The following ELP2 variants were observed in gnomAD, a reference collection of about 807,000 sequenced individuals.
ELP2 encodes the protein elongator complex protein 2.
Under a neutral mutation model 119.2 loss-of-function variants are expected in ELP2, and 90 were observed. The ratio of observed to expected loss-of-function variants is 0.75; its 90% CI spans 0.64 to 0.90. The LOEUF (loss-of-function observed/expected upper bound fraction) is 0.90. Among genes scored for constraint, ELP2 ranks in the 40% least tolerant of loss-of-function variants. The pLI, the probability that ELP2 is intolerant of heterozygous loss-of-function variation, is 0.00. For synonymous variants in ELP2, 339 were observed against 331.0 expected (o/e 1.02, Z -0.26); for missense variants, 921 against 967.8 (o/e 0.95, Z 0.64).
intron 11 of ELP2, among the ~76,000 whole-genome samples, chr18:36,150,746 A>G (rs2090369780): frequency 6.6e-6 from 1 of 152,180 alleles, no homozygotes; most frequent in Non-Finnish European, 1.5e-5. Flanking sequence ...TCAGATTTAC[A>G]TGCTTTCTGT....
intron 5 of ELP2, chr18:36,139,405 CTT>C: frequency 3.3e-6 from 5 of 1,534,846 alleles, no homozygotes; most frequent in Non-Finnish European, 3.5e-6. Context: ...GAGTCAGCCT[CTT>C]TGCCTCCACA....
intron 12 of ELP2, 83 bp from the exon 13 acceptor site, chr18:36,156,383 T>C: frequency 7.8e-7 from 1 of 1,277,696 alleles, no homozygotes; most frequent in Non-Finnish European, 1.1e-6. Flanking sequence ...TTCCATTGTA[T>C]AGTAAATAAT....
At chr18:36,164,077 A>G (rs1375919692) in intron 17 of ELP2, among the ~76,000 whole-genome samples, 1 of 152,160 alleles carries the variant, frequency 6.6e-6, no homozygotes, top group Non-Finnish European at 1.5e-5. Context: ...AATTTCTCTC[A>G]GGATTGATCT....
At position 36,164,566 on chromosome 18, in the gene ELP2, C is replaced by T. The variant is rs148576942; in HGVS notation, c.1853C>T (p.Thr618Met). Reference protein sequence around the residue: ...QNLVFHSLTVTQMAFSPNEKF... With the variant: ...QNLVFHSLTVMQMAFSPNEKF... ...TTAGTTTTCCACAGTTTGACAGTCA[C>T]GCAGATGGCCTTCTCACCTAATGAG... The change falls in exon 18 of 22, where the codon ACG becomes ATG. Residue 618 changes from threonine to methionine, a missense_variant. Transcript: ENST00000358232. 150 of 1,614,088 alleles carry T rather than the reference C, an allele frequency of 9.3e-5. No individual in the cohort carries two copies. Among genetic ancestry groups the T allele is most frequent in the South Asian group, 4.1e-4 (37 of 91,084 alleles).
intron 6 of ELP2, 54 bp downstream of exon 6, chr18:36,141,255 A>G: frequency 7.6e-7 from 1 of 1,317,088 alleles, no homozygotes; most frequent in Non-Finnish European, 1.1e-6. Context: ...GTTATATCTC[A>G]ATACAGACTA....
rs138201763 is a variant in ELP2, at chr18:36,180,093, C to G, written c.*5452C>G. On this transcript the variant is annotated 3_prime_UTR_variant, in exon 22 of 22. Coordinates refer to ENST00000358232, the MANE Select transcript of ELP2 (RefSeq NM_018255.4). ...ATGGGGAGGGAGATGTCTACAGGGT[C>G]AAGGACCCAGGCTCTTATTTCGCTG... 6.6e-6 allele frequency: 1 copy of G among 152,266 alleles called. No homozygotes were observed. The highest frequency in any genetic ancestry group is 2.1e-4 in the South Asian group (1 of 4,830). 9.4% of individuals were successfully genotyped at this position (152,266 alleles called of 1,614,324 possible).
intron 14 of ELP2, 143 bp from the exon 15 acceptor site, chr18:36,159,592 T>C (rs924669869): frequency 1.4e-6 from 1 of 706,476 alleles, no homozygotes; most frequent in African/African-American, 1.7e-5. Flanking sequence ...GGAAATACTC[T>C]TGCCTTTGGA....
intron 9 of ELP2, 86 bp from the exon 10 acceptor site, chr18:36,145,862 T>C (rs2090180703): frequency 9.3e-7 from 1 of 1,079,356 alleles, no homozygotes; most frequent in Non-Finnish European, 1.4e-6. Context: ...ATCCTTGCAG[T>C]ACCCATGTTG....
Position 36,138,325 on chromosome 18 carries a change from C to G in ELP2, c.344C>G (p.Ala115Gly). The change falls in exon 4 of 22, where the codon GCT becomes GGT. Residue 115 changes from alanine to glycine, a missense_variant. Ala to Gly is a moderately conservative substitution (Grantham distance 60). Coordinates refer to ENST00000358232, the MANE Select transcript of ELP2 (RefSeq NM_018255.4). ...GAAGGACCTGTTTATGCGGTGCATG[C>G]TGTTTACCAGAGGAGGACATCAGAT... Reference protein sequence around the residue: ...GHEGPVYAVHAVYQRRTSDPA... With the variant: ...GHEGPVYAVHGVYQRRTSDPA... 6.2e-7 allele frequency: 1 copy of G among 1,614,106 alleles called. No homozygotes were observed. Among genetic ancestry groups the G allele is most frequent in the Non-Finnish European group, 8.5e-7 (1 of 1,180,000 alleles).
chr18:36,142,823 T>C lies in ELP2; in HGVS notation c.656-3T>C, dbSNP rs777717947. 34 of 1,587,256 alleles carry C rather than the reference T, an allele frequency of 2.1e-5. No homozygotes were observed. In the South Asian group the frequency reaches 3.6e-4, roughly 17 times the overall value. On this transcript the variant is annotated splice_polypyrimidine_tract_variant and splice_region_variant and intron_variant, in intron 7 of 21. Coordinates refer to ENST00000358232, the MANE Select transcript of ELP2 (RefSeq NM_018255.4). ...AAATTAATACAACTTATTTTTTAAT[T>C]AGGTAGAGATCTTTTCCTAGCAAGC...
intron 17 of ELP2, 148 bp from the exon 18 acceptor site, chr18:36,164,327 G>A: frequency 1.5e-6 from 1 of 676,012 alleles, no homozygotes; most frequent in Non-Finnish European, 2.6e-6. Flanking sequence ...ATAAGAAATG[G>A]TTGTAGTATG....
At chr18:36,164,234 A>G (rs921991953) in intron 17 of ELP2, among the ~76,000 whole-genome samples, 1 of 152,174 alleles carries the variant, frequency 6.6e-6, no homozygotes, top group Admixed American at 6.5e-5. Context: ...TGAAAAGGAA[A>G]AAAAGAAAGA....
intron 17 of ELP2, among the ~76,000 whole-genome samples, chr18:36,163,323 A>G (rs1055353457): frequency 5.0e-5 from 7 of 139,704 alleles, no homozygotes; most frequent in Non-Finnish European, 1.1e-4. Flanking sequence ...TAAAAATCCA[A>G]TTATCCATTG....
At chr18:36,139,519 C>T (rs1305485594) in intron 5 of ELP2, 16 of 1,535,598 alleles carry the variant, frequency 1.0e-5, no homozygotes, top group Admixed American at 7.8e-5. Context: ...TTTCATGTTA[C>T]GCTTCCATTC....
At chr18:36,141,752 G>A (rs1469383188) in intron 6 of ELP2, among the ~76,000 whole-genome samples, 1 of 149,144 alleles carries the variant, frequency 6.7e-6, no homozygotes, top group Non-Finnish European at 1.5e-5. Context: ...GTGCAGTGGT[G>A]AGAACATGCG....
intron 1 of ELP2, 74 bp from the exon 2 acceptor site, chr18:36,133,164 A>G (rs1242387363): frequency 3.2e-5 from 33 of 1,026,780 alleles, no homozygotes; most frequent in Non-Finnish European, 4.7e-5. Context: ...AAACACTGAA[A>G]TCTGTTTTTA....
intron 13 of ELP2, among the ~76,000 whole-genome samples, chr18:36,157,185 G>A (rs1400255020): frequency 2.0e-5 from 3 of 152,086 alleles, no homozygotes; most frequent in Non-Finnish European, 2.9e-5. Context: ...ATGTTTATAC[G>A]CCCTTCTAAG....
In ELP2 at chr18:36,133,249, T is replaced by G. The variant is rs776891738; in HGVS notation, c.150T>G (p.Val50=). Residue 50 remains valine, a synonymous_variant, in exon 2 of 22, where the codon GTT becomes GTG. Coordinates refer to ENST00000358232, the MANE Select transcript of ELP2 (RefSeq NM_018255.4). The stretch of plus-strand genomic sequence containing the variant: ...TTTCTTCTCTAAAGAAAAGGGTTGT[T>G]GTTACCAACTTGAATGGTCACACCG... ...VVLYDPLKRV[V]VTNLNGHTAR... is the part of the protein sequence containing the mutation. 1 of 1,613,042 alleles carries G rather than the reference T, an allele frequency of 6.2e-7. No homozygotes were observed. The highest frequency in any genetic ancestry group is 1.3e-5 in the African/African-American group (1 of 74,928).
At chr18:36,169,817 C>G (rs749275006) in intron 19 of ELP2, 3 of 539,878 alleles carry the variant, frequency 5.6e-6, no homozygotes, top group Non-Finnish European at 6.7e-6. Flanking sequence ...TCTCTGTGGT[C>G]TCTGGGCAGG....
Sources: gnomAD v4.1 joint callset for allele counts (sites outside exome capture counted in the v4.1 genomes callset) on GRCh38, gnomAD v4.1.1 for gene constraint, MANE v1.5 for transcripts, NCBI Gene and HGNC (gene_info 2026-07-23, HGNC 2026-07-21) for gene names.